IL5RA: variants seen among roughly 807,000 people sequenced by gnomAD.
IL5RA encodes interleukin-5 receptor subunit alpha.
Under a neutral mutation model 50.0 loss-of-function variants are expected in IL5RA, and 49 were observed. The ratio of observed to expected loss-of-function variants is 0.98; its 90% CI spans 0.78 to 1.24. The LOEUF is 1.24. Among genes scored for constraint, IL5RA ranks in the 50% most tolerant of loss-of-function variants. IL5RA has a pLI of 0.00. For synonymous variants in IL5RA, 202 were observed against 174.0 expected (o/e 1.16, Z -1.26); for missense variants, 600 against 500.4 (o/e 1.20, Z -1.90).
chr3:3,104,709 A>G (rs1703821114), intron 3 of IL5RA, among the ~76,000 whole-genome samples, 194 bp downstream of exon 3: 1 of 152,164 alleles, frequency 6.6e-6, no homozygotes, highest in Non-Finnish European at 1.5e-5. Context: ...GTAGCATAAC[A>G]TTTGCATTTC....
At chr3:3,089,938 A>G (rs1703020546) in intron 9 of IL5RA, 3 of 321,544 alleles carry the variant, frequency 9.3e-6, no homozygotes, top group Non-Finnish European at 1.7e-5. Context: ...TAAGACTTTA[A>G]TCTACCCAGC....
chr3:3,077,470 G>A lies in IL5RA; in HGVS notation c.995-843C>T, dbSNP rs548853465. 4.5e-4 allele frequency among the ~76,000 whole-genome samples: 68 copies of A among 152,154 alleles called. 1 individual carries two copies. The highest frequency in any genetic ancestry group is 3.2e-4 in the Non-Finnish European group (22 of 67,984). On this transcript the variant is annotated intron_variant, in intron 9 of 11. Coordinates refer to ENST00000446632, the MANE Select transcript of IL5RA (RefSeq NM_175726.4). ...TTTTTCTTTTAAGTACTAGAAAGGC[G>A]TCCAAGACAAACTCAAGCCAAGTGC...
intron 2 of IL5RA, among the ~76,000 whole-genome samples, chr3:3,105,810 G>A (rs1278870352): frequency 2.6e-5 from 4 of 152,184 alleles, no homozygotes; most frequent in Non-Finnish European, 5.9e-5. Flanking sequence ...TGTTCTACAT[G>A]TCAAAGAGGA....
intron 5 of IL5RA, among the ~76,000 whole-genome samples, chr3:3,099,406 ATTGT>A (rs200270405): frequency 0.023 from 3,558 of 152,238 alleles, 58 homozygotes; most frequent in Non-Finnish European, 0.034. Flanking sequence ...AGGCGGGCAG[ATTGT>A]TTGAGCTCAG....
intron 1 of IL5RA, 67 bp from the exon 2 acceptor site, chr3:3,108,758 G>A (rs1704048644): frequency 6.6e-6 from 1 of 152,198 alleles, no homozygotes; most frequent in East Asian, 1.9e-4. Flanking sequence ...CCTAACAGAG[G>A]AATGAGTTAG....
Position 3,076,562 on chromosome 3 carries a change from T to A in IL5RA, c.1060A>T (p.Ile354Phe). 6.2e-7 allele frequency: 1 copy of A among 1,611,722 alleles called. No individual in the cohort carries two copies. Among genetic ancestry groups the A allele is most frequent in the Non-Finnish European group, 8.5e-7 (1 of 1,177,938 alleles). The change falls in exon 10 of 12, where the codon ATC becomes TTC. Residue 354 changes from isoleucine (I) to phenylalanine (F), a missense_variant. Coordinates refer to ENST00000446632, the MANE Select transcript of IL5RA (RefSeq NM_175726.4). ...VIVIMATICF[I>F]LLILSLICKI... ...CAGATAAGCGAGAGAATTAACAAGATGAAGCAGATGGTTGCCATAATCACA... is the reference window on the plus strand; with the variant it reads ...CAGATAAGCGAGAGAATTAACAAGAAGAAGCAGATGGTTGCCATAATCACA...
Position 3,069,496 on chromosome 3 carries a change from C to T in IL5RA, c.*729G>A, listed in dbSNP as rs1217398308. 2 of 152,138 alleles carry T rather than the reference C, an allele frequency of 1.3e-5. No homozygotes were observed. Among genetic ancestry groups the T allele is most frequent in the East Asian group, 1.9e-4 (1 of 5,198 alleles). 9.4% of individuals were successfully genotyped at this position (152,138 alleles called of 1,614,324 possible). A position where few individuals can be genotyped will look rare whatever the true frequency, so the allele number is the denominator to read the frequency against. ...CACATTTCCAGAATATTAAGGCTTC[C>T]TTCAAGAATATAATATTTGAACAAA... On this transcript the variant is annotated 3_prime_UTR_variant, in exon 12 of 12. Coordinates refer to ENST00000446632, the MANE Select transcript of IL5RA (RefSeq NM_175726.4).
chr3:3,082,214 G>A (rs1179943162), intron 9 of IL5RA, among the ~76,000 whole-genome samples: 1 of 152,096 alleles, frequency 6.6e-6, no homozygotes, highest in Non-Finnish European at 1.5e-5. Flanking sequence ...TATAAAATTT[G>A]GGAGATCCCG....
intron 11 of IL5RA, among the ~76,000 whole-genome samples, chr3:3,074,368 A>G (rs1275288791): frequency 6.6e-6 from 1 of 152,248 alleles, no homozygotes; most frequent in Non-Finnish European, 1.5e-5. Context: ...GTCCAAAGTC[A>G]GTTAAGGCAT....
Position 3,070,257 on chromosome 3 carries a change from C to T in IL5RA, c.1231G>A (p.Gly411Arg), listed in dbSNP as rs768267736. Residue 411 changes from glycine (G) to arginine (R), a missense_variant, in exon 12 of 12, where the codon GGA becomes AGA. Transcript: ENST00000446632. ...IEVICYIEKP[G>R]VETLEDSVF is the part of the protein sequence containing the mutation. ...ACAGAATCCTCCAGGGTCTCAACTC[C>T]AGGCTTCTCTATATAACAGATGACT... 48 of 1,613,470 alleles carry T rather than the reference C, an allele frequency of 3.0e-5. No homozygotes were observed. Among genetic ancestry groups the T allele is most frequent in the Non-Finnish European group, 3.9e-5 (46 of 1,179,508 alleles).
In IL5RA at chr3:3,102,933, A is replaced by G. The variant is rs1282153427; in HGVS notation, c.83-113T>C. ...CAGATGCTGTCCTGGACCTGCCAGC[A>G]CCACAGACACAGTTGCTCCTGCGTG... On this transcript the variant is annotated intron_variant, in intron 3 of 11. Coordinates refer to ENST00000446632, the MANE Select transcript of IL5RA (RefSeq NM_175726.4). 2.0e-5 allele frequency: 15 copies of G among 756,820 alleles called. No individual in the cohort carries two copies. In the Admixed American group the frequency reaches 2.8e-4, roughly 14 times the overall value. The allele number at this position is 756,820 out of a possible 1,614,324, so 46.9% of individuals were successfully genotyped here. A position where few individuals can be genotyped will look rare whatever the true frequency, so the allele number is the denominator to read the frequency against.
intron 9 of IL5RA, among the ~76,000 whole-genome samples, chr3:3,079,116 C>T (rs2125957262): frequency 6.6e-6 from 1 of 152,254 alleles, no homozygotes; most frequent in East Asian, 1.9e-4. Context: ...TCCTTTGACC[C>T]TTTGCTATTT....
At chr3:3,087,852 A>G (rs1434847839) in intron 9 of IL5RA, among the ~76,000 whole-genome samples, 1 of 152,244 alleles carries the variant, frequency 6.6e-6, no homozygotes, top group African/African-American at 2.4e-5. Flanking sequence ...GCCATGCAAA[A>G]TGTCCCAGAG....
chr3:3,071,078 T>C (rs886904548), intron 11 of IL5RA, among the ~76,000 whole-genome samples: 3 of 152,148 alleles, frequency 2.0e-5, no homozygotes, highest in Non-Finnish European at 4.4e-5. Flanking sequence ...AATTGGAAAA[T>C]TGGTAACAAA....
At chr3:3,075,964 A>G (rs570146812) in intron 10 of IL5RA, among the ~76,000 whole-genome samples, 4 of 152,234 alleles carry the variant, frequency 2.6e-5, no homozygotes, top group African/African-American at 9.6e-5. Flanking sequence ...AGCCTCCTAA[A>G]AGGTCTTGTG....
At position 3,081,928 on chromosome 3, in the gene IL5RA, C is replaced by A. The variant is rs763317621; in HGVS notation, c.995-5301G>T. 6.1e-4 allele frequency among the ~76,000 whole-genome samples: 93 copies of A among 152,294 alleles called. 1 individual carries two copies. Among genetic ancestry groups the A allele is most frequent in the Non-Finnish European group, 9.7e-4 (66 of 68,038 alleles). ...TATAGCTAGTTGAAAACAGAACTAA[C>A]CCCTGAAAACACAACCAAGGTCGGC... On this transcript the variant is annotated intron_variant, in intron 9 of 11. Transcript: ENST00000446632.
rs535665562 is a variant in IL5RA at position 3,075,802 on chromosome 3, A to G, written c.1091+729T>C. On this transcript the variant is annotated intron_variant, in intron 10 of 11. Transcript: ENST00000446632. The stretch of plus-strand genomic sequence containing the variant: ...TTTTTAGTAGAGACGGGGTTTCACC[A>G]CATTAGCCAGGGTGGTCTCGATCTC... Among the ~76,000 whole-genome samples, 122 of 151,968 alleles carry G rather than the reference A, an allele frequency of 8.0e-4. 4 individuals are homozygous for G. In the South Asian group the frequency reaches 0.024, roughly 30 times the overall value.
Position 3,067,305 on chromosome 3 carries a change from T to G in IL5RA, c.*2920A>C, listed in dbSNP as rs1237767037. ...TTAGATACCCAGCTTCCTCCCCCTG[T>G]CATTATTGTAGGCCTTGAGGATCTC... On this transcript the variant is annotated 3_prime_UTR_variant, in exon 12 of 12. Coordinates refer to ENST00000446632, the MANE Select transcript of IL5RA (RefSeq NM_175726.4). The G allele has an allele frequency of 6.6e-6, 1 of 152,252 alleles. No individual in the cohort carries two copies. Among genetic ancestry groups the G allele is most frequent in the African/African-American group, 2.4e-5 (1 of 41,446 alleles). The allele number at this position is 152,252 out of a possible 1,614,324, so 9.4% of individuals were successfully genotyped here.
chr3:3,078,834 CAA>C (rs371826442), intron 9 of IL5RA, among the ~76,000 whole-genome samples: 22,624 of 135,594 alleles, frequency 0.17, 1,736 homozygotes, highest in East Asian at 0.31. Context: ...GACTCCGTCT[CAA>C]AAAAAAAAAA....
Sources: allele counts gnomAD v4.1 joint callset (sites outside exome capture counted in the v4.1 genomes callset), GRCh38; gene constraint gnomAD v4.1.1; transcripts MANE v1.5; gene names NCBI Gene and HGNC (gene_info 2026-07-23, HGNC 2026-07-21).